The following PDE7B variants were observed in gnomAD, a reference collection of about 807,000 sequenced individuals.
PDE7B encodes the protein phosphodiesterase 7B, also known as 3',5'-cyclic-AMP phosphodiesterase 7B.
In PDE7B, 29 loss-of-function variants were observed where a neutral mutation model predicts 56.2. The observed-to-expected ratio is 0.52, with a 90% CI of 0.38 to 0.70. The LOEUF (loss-of-function observed/expected upper bound fraction) is 0.70, where lower values mean the gene tolerates loss of function less well. Among genes scored for constraint, PDE7B ranks in the 30% least tolerant of loss-of-function variants. PDE7B has a pLI of 0.00. For missense variants in PDE7B, 490 were observed against 565.0 expected, an observed-to-expected ratio of 0.87 and a Z score of 1.35; for synonymous variants, 197 against 196.9, an observed-to-expected ratio of 1.00 and a Z score of 0.00.
chr6:136,057,895 CCTGA>C (rs1235648702), intron 2 of PDE7B, among the ~76,000 whole-genome samples: 1 of 152,190 alleles, frequency 6.6e-6, no homozygotes, highest in Admixed American at 6.5e-5. Context: ...CACCACCTCG[CCTGA>C]CTAATTTTTT....
intron 9 of PDE7B, among the ~76,000 whole-genome samples, chr6:136,174,807 G>C (rs907222847): frequency 6.6e-6 from 1 of 152,098 alleles, no homozygotes. Flanking sequence ...TTTCAGTTCT[G>C]ATAAATTTTT....
chr6:135,981,111 A>G (rs1048404935), intron 2 of PDE7B, among the ~76,000 whole-genome samples: 6 of 151,690 alleles, frequency 4.0e-5, no homozygotes, highest in African/African-American at 1.5e-4. Context: ...GCCATAAAAA[A>G]TGATGAGTTC....
intron 1 of PDE7B, among the ~76,000 whole-genome samples, chr6:135,852,677 C>A (rs1045496415): frequency 1.3e-5 from 2 of 152,024 alleles, no homozygotes; most frequent in African/African-American, 4.8e-5. Context: ...GTTACATGAC[C>A]AGAAATTTAG....
At chr6:136,079,130 T>A (rs1393700400) in intron 2 of PDE7B, among the ~76,000 whole-genome samples, 1 of 152,136 alleles carries the variant, frequency 6.6e-6, no homozygotes, top group Non-Finnish European at 1.5e-5. Flanking sequence ...TGTAAGCCCA[T>A]TGTAAATTGA....
chr6:136,142,074 T>A (rs1778336419), intron 3 of PDE7B, among the ~76,000 whole-genome samples: 3 of 152,238 alleles, frequency 2.0e-5, no homozygotes, highest in Admixed American at 6.5e-5. Context: ...TCTTTCCTGC[T>A]TTCTCTTGTG....
At chr6:135,886,894 C>A (rs1325793764) in intron 1 of PDE7B, among the ~76,000 whole-genome samples, 2 of 152,036 alleles carry the variant, frequency 1.3e-5, no homozygotes, top group Non-Finnish European at 2.9e-5. Context: ...GTAGTGGGAT[C>A]GTTGGATTGA....
chr6:135,882,335 A>T (rs944955110), intron 1 of PDE7B, among the ~76,000 whole-genome samples: 3 of 152,160 alleles, frequency 2.0e-5, no homozygotes, highest in African/African-American at 4.8e-5. Context: ...GTAAAAAAAT[A>T]AAAAAGTCTT....
chr6:135,991,503 T>C (rs1196592047), intron 2 of PDE7B, among the ~76,000 whole-genome samples: 1 of 152,226 alleles, frequency 6.6e-6, no homozygotes, highest in Admixed American at 6.5e-5. Context: ...ACAACTCACA[T>C]TCGCCAATAC....
intron 2 of PDE7B, among the ~76,000 whole-genome samples, chr6:136,050,309 A>G (rs546877060): frequency 7.4e-4 from 112 of 152,204 alleles, no homozygotes; most frequent in African/African-American, 2.6e-3. Context: ...TTGTTTCCAA[A>G]CTTAGATTAG....
intron 10 of PDE7B, 57 bp from the exon 11 acceptor site, chr6:136,181,170 C>G: frequency 7.7e-7 from 1 of 1,292,302 alleles, no homozygotes; most frequent in Non-Finnish European, 1.1e-6. Flanking sequence ...GCTTGGGGTG[C>G]TTTTGCAACT....
intron 3 of PDE7B, among the ~76,000 whole-genome samples, chr6:136,135,644 G>A (rs115334860): frequency 0.016 from 2,478 of 151,926 alleles, 75 homozygotes; most frequent in African/African-American, 0.055. Flanking sequence ...ATGACCACTG[G>A]TGATTTCTGA....
chr6:135,906,098 G>A (rs1214679492), intron 1 of PDE7B, among the ~76,000 whole-genome samples: 1 of 152,126 alleles, frequency 6.6e-6, no homozygotes, highest in Admixed American at 6.5e-5. Flanking sequence ...TTCAGGAAGT[G>A]TGCCCACAAT....
intron 2 of PDE7B, among the ~76,000 whole-genome samples, chr6:135,997,094 T>C (rs925104232): frequency 6.6e-6 from 1 of 152,088 alleles, no homozygotes; most frequent in Non-Finnish European, 1.5e-5. Context: ...TTTGTTGTTG[T>C]TGTTTTATTT....
chr6:136,065,647 C>A (rs1776922131), intron 2 of PDE7B, among the ~76,000 whole-genome samples: 1 of 152,102 alleles, frequency 6.6e-6, no homozygotes, highest in African/African-American at 2.4e-5. Flanking sequence ...AACCCAACAG[C>A]AAACAAGAAA....
chr6:136,083,908 T>C (rs1245780944), intron 2 of PDE7B, among the ~76,000 whole-genome samples: 1 of 152,174 alleles, frequency 6.6e-6, no homozygotes, highest in East Asian at 1.9e-4. Flanking sequence ...CAGCAACAAA[T>C]GATTTCTGAA....
At chr6:136,021,481 C>T (rs1776069946) in intron 2 of PDE7B, among the ~76,000 whole-genome samples, 1 of 152,062 alleles carries the variant, frequency 6.6e-6, no homozygotes, top group Admixed American at 6.6e-5. Context: ...CCCATCTCTA[C>T]TAAAAATACA....
rs1774231483 is a variant in PDE7B, at chr6:135,928,465, T to TTTTATATA, written c.22-18998_22-18997insTTATATAT. Among the ~76,000 whole-genome samples the TTTTATATA allele has an allele frequency of 5.2e-4, 39 of 75,558 alleles. No homozygotes were observed. In the East Asian group the frequency reaches 0.011, roughly 21 times the overall value. The allele number at this position is 75,558 out of a possible 152,430, so 49.6% of individuals were successfully genotyped here. ...TATATATATTTATTTATATATATAT[T>TTTTATATA]TATTTATATATATATATTTATTTAT... On this transcript the variant is annotated intron_variant, in intron 1 of 12. Coordinates refer to ENST00000308191, the MANE Select transcript of PDE7B (RefSeq NM_018945.4).
At chr6:135,945,046 T>A (rs1271564923) in intron 1 of PDE7B, among the ~76,000 whole-genome samples, 1 of 148,056 alleles carries the variant, frequency 6.8e-6, no homozygotes, top group Non-Finnish European at 1.5e-5. Flanking sequence ...TGATCCTTCA[T>A]TTAAAAATAT....
In PDE7B at chr6:136,004,980, A is replaced by G. The variant is rs538520232; in HGVS notation, c.82+57456A>G. Among the ~76,000 whole-genome samples, 452 of 152,346 alleles carry G rather than the reference A, an allele frequency of 3.0e-3. 2 individuals carry two copies. Among genetic ancestry groups the G allele is most frequent in the African/African-American group, 0.01 (423 of 41,568 alleles). On this transcript the variant is annotated intron_variant, in intron 2 of 12. Transcript: ENST00000308191. The stretch of plus-strand genomic sequence containing the variant: ...ACTACAAGGCTACAGTAACCAAAAC[A>G]GCATGGTACTGGTACCAATACAGAG...
Sources: allele counts gnomAD v4.1 joint callset (sites outside exome capture counted in the v4.1 genomes callset), GRCh38; gene constraint gnomAD v4.1.1; transcripts MANE v1.5; gene names NCBI Gene and HGNC (gene_info 2026-07-23, HGNC 2026-07-21).